The following MYBL2 variants were observed in gnomAD, a reference collection of about 807,000 sequenced individuals.
The protein encoded by MYBL2 is myb-related protein B.
In MYBL2, 28 loss-of-function variants were observed where a neutral mutation model predicts 79.9. The observed-to-expected ratio is 0.35, with a 90% CI of 0.26 to 0.48. The LOEUF (loss-of-function observed/expected upper bound fraction) is 0.48. Among genes scored for constraint, MYBL2 ranks in the 20% least tolerant of loss-of-function variants. The probability of loss-of-function intolerance (pLI) is 0.99; values close to 1 mark genes in which losing one functional copy is unlikely to be tolerated. For missense variants in MYBL2, 735 were observed against 893.9 expected (o/e 0.82, Z 2.27); for synonymous variants, 378 against 361.2 (o/e 1.05, Z -0.53).
intron 2 of MYBL2, 35 bp downstream of exon 2, chr20:43,673,934 C>T: frequency 6.6e-7 from 1 of 1,522,866 alleles, no homozygotes; most frequent in South Asian, 1.2e-5. Flanking sequence ...TTGATGGCAG[C>T]TGGGGGCTGT....
chr20:43,692,140 C>G lies in MYBL2; in HGVS notation c.501-17C>G, dbSNP rs1987426915. 6.2e-7 allele frequency: 1 copy of G among 1,611,016 alleles called. No homozygotes were observed. Among genetic ancestry groups the G allele is most frequent in the East Asian group, 2.2e-5 (1 of 44,800 alleles). On this transcript the variant is annotated splice_polypyrimidine_tract_variant and intron_variant, in intron 5 of 13. Coordinates refer to ENST00000217026, the MANE Select transcript of MYBL2 (RefSeq NM_002466.4). ...CCACAGAGCTGGGGTTCAAAGGCCC[C>G]CTGCTGCCCCCTGCAGGACAGACAA...
At chr20:43,699,580 G>A (rs1987633896) in intron 6 of MYBL2, among the ~76,000 whole-genome samples, 177 bp from the exon 7 acceptor site, 1 of 152,126 alleles carries the variant, frequency 6.6e-6, no homozygotes, top group Non-Finnish European at 1.5e-5. Context: ...GCCTTTCTTA[G>A]TGTCATGATG....
chr20:43,706,347 C>T (rs1987783045), intron 9 of MYBL2, among the ~76,000 whole-genome samples: 1 of 152,152 alleles, frequency 6.6e-6, no homozygotes, highest in Non-Finnish European at 1.5e-5. Context: ...GTACAGGTTG[C>T]TCGCCAGCCT....
At chr20:43,689,581 C>T (rs2145719851) in intron 5 of MYBL2, among the ~76,000 whole-genome samples, 1 of 152,342 alleles carries the variant, frequency 6.6e-6, no homozygotes, top group South Asian at 2.1e-4. Flanking sequence ...TCCTTCAGTT[C>T]TCAGTGGGGG....
intron 4 of MYBL2, among the ~76,000 whole-genome samples, 184 bp downstream of exon 4, chr20:43,683,070 A>C (rs974615739): frequency 3.3e-5 from 5 of 152,124 alleles, no homozygotes; most frequent in African/African-American, 9.7e-5. Flanking sequence ...CAAGTTTCAG[A>C]GTGTCTCCAG....
At chr20:43,677,897 A>G (rs1212871504) in intron 2 of MYBL2, among the ~76,000 whole-genome samples, 1 of 152,180 alleles carries the variant, frequency 6.6e-6, no homozygotes, top group African/African-American at 2.4e-5. Context: ...GAGAAATCGG[A>G]TGGTTGCCGT....
intron 2 of MYBL2, among the ~76,000 whole-genome samples, chr20:43,679,408 T>C (rs982322789): frequency 6.6e-6 from 1 of 152,230 alleles, no homozygotes; most frequent in Non-Finnish European, 1.5e-5. Flanking sequence ...TTTAACTTTG[T>C]AGTTCAGTGG....
chr20:43,687,220 T>A, intron 5 of MYBL2, 148 bp downstream of exon 5: 2 of 784,230 alleles, frequency 2.6e-6, no homozygotes, highest in Non-Finnish European at 4.0e-6. Context: ...GAGGCATGCA[T>A]AGTCAGGAGG....
At chr20:43,673,704 C>T (rs1323904952) in intron 1 of MYBL2, 102 bp from the exon 2 acceptor site, 1 of 1,093,136 alleles carries the variant, frequency 9.1e-7, no homozygotes, top group Non-Finnish European at 1.4e-6. Context: ...CCTCTCTCCC[C>T]CAGACCTTTC....
At chr20:43,711,718 T>G (rs1269996191) in intron 11 of MYBL2, 117 bp downstream of exon 11, 1 of 883,518 alleles carries the variant, frequency 1.1e-6, no homozygotes, top group Admixed American at 2.4e-5. Context: ...GGGCGTAGCA[T>G]ATCCCCTTTG....
intron 1 of MYBL2, among the ~76,000 whole-genome samples, chr20:43,670,022 T>C (rs924351461): frequency 2.6e-5 from 4 of 152,206 alleles, no homozygotes; most frequent in African/African-American, 9.6e-5. Context: ...GAGAATTCAC[T>C]TGAACCCAGG....
intron 5 of MYBL2, among the ~76,000 whole-genome samples, chr20:43,687,470 T>C (rs1476737247): frequency 2.0e-5 from 3 of 152,190 alleles, no homozygotes. Context: ...AATCAGGTAG[T>C]ACTATAATCT....
At chr20:43,669,738 A>AAT (rs1986814268) in intron 1 of MYBL2, among the ~76,000 whole-genome samples, 1 of 152,186 alleles carries the variant, frequency 6.6e-6, no homozygotes, top group Non-Finnish European at 1.5e-5. Flanking sequence ...TAAGGGGGAT[A>AAT]ATGAGAATGT....
intron 2 of MYBL2, among the ~76,000 whole-genome samples, chr20:43,677,199 A>C (rs1987032718): frequency 6.6e-6 from 1 of 152,226 alleles, no homozygotes; most frequent in Admixed American, 6.5e-5. Flanking sequence ...AGAATAAACA[A>C]GACCAAGTTC....
At chr20:43,681,690 C>G in intron 2 of MYBL2, 94 bp from the exon 3 acceptor site, 1 of 1,269,284 alleles carries the variant, frequency 7.9e-7, no homozygotes, top group Non-Finnish European at 1.2e-6. Context: ...AATGGATGAA[C>G]GAGGCTGTTC....
rs1449704125 is a variant in MYBL2 at position 43,667,234 on chromosome 20, C to T, written c.-50C>T. On this transcript the variant is annotated 5_prime_UTR_variant, in exon 1 of 14. Coordinates refer to ENST00000217026, the MANE Select transcript of MYBL2 (RefSeq NM_002466.4). ...TCCTGACCCCGGCCCGGCTCCCGCT[C>T]CGGGCTCTGCCGGCGGGCGGGCGAG... is the stretch of plus-strand genomic sequence containing the variant. 1.7e-6 allele frequency: 2 copies of T among 1,198,504 alleles called. No individual in the cohort carries two copies. Among genetic ancestry groups the T allele is most frequent in the African/African-American group, 1.6e-5 (1 of 63,004 alleles). 74.2% of individuals were successfully genotyped at this position (1,198,504 alleles called of 1,614,324 possible).
At chr20:43,673,774 C>A in intron 1 of MYBL2, 32 bp from the exon 2 acceptor site, 1 of 1,568,860 alleles carries the variant, frequency 6.4e-7, no homozygotes. Context: ...ATGGACACAC[C>A]ATCCTTGACC....
At chr20:43,691,790 A>G (rs1003661566) in intron 5 of MYBL2, among the ~76,000 whole-genome samples, 2 of 151,612 alleles carry the variant, frequency 1.3e-5, no homozygotes, top group Admixed American at 1.3e-4. Flanking sequence ...CTGCTCGCCT[A>G]GGCCGCCCAG....
At position 43,690,192 on chromosome 20, in the gene MYBL2, G is replaced by GT. The variant is rs59061107; in HGVS notation, c.501-1952dup. 7.4e-3 allele frequency among the ~76,000 whole-genome samples: 1,060 copies of GT among 142,664 alleles called. 6 individuals carry two copies. The highest frequency in any genetic ancestry group is 9.5e-3 in the Non-Finnish European group (614 of 64,506). The allele number at this position is 142,664 out of a possible 152,430, so 93.6% of individuals were successfully genotyped here. ...TTGTGCCTTCCAAGAGCTGTTTTTT[G>GT]TTTTTTTTTTTTTGTTTGTTTTTTG... On this transcript the variant is annotated intron_variant, in intron 5 of 13. Coordinates refer to ENST00000217026, the MANE Select transcript of MYBL2 (RefSeq NM_002466.4).
Sources: allele counts gnomAD v4.1 joint callset (sites outside exome capture counted in the v4.1 genomes callset), GRCh38; gene constraint gnomAD v4.1.1; transcripts MANE v1.5; gene names NCBI Gene and HGNC (gene_info 2026-07-23, HGNC 2026-07-21).